Variants in TMEM47 observed in about 807,000 individuals in gnomAD.
The protein encoded by TMEM47 is brain cell membrane protein 1.
A neutral mutation model predicts 12.4 loss-of-function variants in TMEM47; 3 were observed. That is an observed-to-expected ratio of 0.24 (90% confidence interval 0.11 to 0.63). The LOEUF (loss-of-function observed/expected upper bound fraction) is 0.63, where lower values mean the gene tolerates loss of function less well. Among genes scored for constraint, TMEM47 ranks in the 20% least tolerant of loss-of-function variants. The pLI, the probability that TMEM47 is intolerant of heterozygous loss-of-function variation, is 0.86. For synonymous variants in TMEM47, 62 were observed against 63.3 expected, an observed-to-expected ratio of 0.98 and a Z score of 0.10; for missense variants, 89 against 143.8, an observed-to-expected ratio of 0.62 and a Z score of 1.95.
chrX:34,641,305 T>C (rs1360523762), intron 1 of TMEM47, among the ~76,000 whole-genome samples: 1 of 111,669 alleles, frequency 9.0e-6, no homozygotes, highest in Admixed American at 9.6e-5. Flanking sequence ...CATCCATCCA[T>C]CCATCTATGC....
intron 1 of TMEM47, among the ~76,000 whole-genome samples, chrX:34,641,234 TA>T (rs1202640984): frequency 5.4e-5 from 6 of 111,289 alleles, no homozygotes; most frequent in African/African-American, 1.6e-4. Context: ...ATTTCTGAAT[TA>T]AAAAAATCAA....
intron 2 of TMEM47, among the ~76,000 whole-genome samples, chrX:34,638,295 TTATG>T (rs1176326220): frequency 9.0e-6 from 1 of 111,663 alleles, no homozygotes; most frequent in Non-Finnish European, 1.9e-5. Flanking sequence ...ACCTTCATTT[TTATG>T]ACACCCCCAA....
chrX:34,657,090 C>G lies in TMEM47; in HGVS notation c.-61G>C. ...GAGGACGCCAGGCGGGTCCGGAGAG[C>G]CGGGAGCCGGACCTCCCGAAGGGAG... On this transcript the variant is annotated 5_prime_UTR_variant, in exon 1 of 3. Coordinates refer to ENST00000275954, the MANE Select transcript of TMEM47 (RefSeq NM_031442.4). 9.2e-7 allele frequency: 1 copy of G among 1,084,049 alleles called. No homozygotes were observed. Among genetic ancestry groups the G allele is most frequent in the South Asian group, 2.4e-5 (1 of 41,161 alleles). 89.3% of individuals were successfully genotyped at this position (1,084,049 alleles called of 1,213,427 possible).
chrX:34,639,737 T>C (rs1244915766), intron 1 of TMEM47, among the ~76,000 whole-genome samples: 1 of 111,478 alleles, frequency 9.0e-6, no homozygotes, highest in Non-Finnish European at 1.9e-5. Context: ...ATCTTAAGTA[T>C]AGAAAGTAGA....
At chrX:34,642,669 A>G (rs1263802133) in intron 1 of TMEM47, among the ~76,000 whole-genome samples, 1 of 112,280 alleles carries the variant, frequency 8.9e-6, no homozygotes, top group Non-Finnish European at 1.9e-5. Context: ...AATCATCAGC[A>G]TTACCACTGT....
chrX:34,634,151 T>C (rs1459320590), intron 2 of TMEM47, among the ~76,000 whole-genome samples: 1 of 110,990 alleles, frequency 9.0e-6, no homozygotes, highest in African/African-American at 3.3e-5. Flanking sequence ...TGAAACAAAA[T>C]AGGCATTGGA....
chrX:34,633,703 G>A (rs1203705874), intron 2 of TMEM47, among the ~76,000 whole-genome samples: 1 of 111,264 alleles, frequency 9.0e-6, no homozygotes, highest in Non-Finnish European at 1.9e-5. Context: ...GTTTACCTAC[G>A]CTGCTTTTAA....
intron 1 of TMEM47, among the ~76,000 whole-genome samples, chrX:34,652,535 T>C (rs1405400396): frequency 8.9e-6 from 1 of 112,268 alleles, no homozygotes; most frequent in Non-Finnish European, 1.9e-5. Flanking sequence ...ATCAAATCCC[T>C]TAGCTGCCAA....
intron 1 of TMEM47, among the ~76,000 whole-genome samples, chrX:34,645,406 A>C (rs914156948): frequency 2.7e-5 from 3 of 112,190 alleles, no homozygotes; most frequent in Non-Finnish European, 3.8e-5. Flanking sequence ...CTGAGTTTGG[A>C]TAGGAAGCCT....
At chrX:34,634,938 A>T (rs1290740264) in intron 2 of TMEM47, among the ~76,000 whole-genome samples, 2 of 112,035 alleles carry the variant, frequency 1.8e-5, no homozygotes, top group African/African-American at 6.5e-5. Context: ...TTGTTTCTCT[A>T]GGGAGACCAT....
At chrX:34,638,034 T>C (rs777064969) in intron 2 of TMEM47, among the ~76,000 whole-genome samples, 1 of 111,141 alleles carries the variant, frequency 9.0e-6, no homozygotes, top group South Asian at 3.8e-4. Flanking sequence ...AATTGTGCTT[T>C]CTACTCTATT....
Position 34,627,262 on chromosome X carries a change from C to T in TMEM47, c.*3051G>A, listed in dbSNP as rs911804262. ...CATGAATTCATGTTTAAGTAGTAAA[C>T]ATGTCATATATTTAAAAATAATAAA... On this transcript the variant is annotated 3_prime_UTR_variant, in exon 3 of 3. Transcript: ENST00000275954. 4.5e-5 allele frequency: 5 copies of T among 111,457 alleles called. No homozygotes were observed. Among genetic ancestry groups the T allele is most frequent in the Non-Finnish European group, 7.6e-5 (4 of 52,965 alleles). 9.2% of individuals were successfully genotyped at this position (111,457 alleles called of 1,213,427 possible).
At chrX:34,653,545 C>T (rs767237096) in intron 1 of TMEM47, among the ~76,000 whole-genome samples, 1 of 111,513 alleles carries the variant, frequency 9.0e-6, no homozygotes, top group Admixed American at 9.5e-5. Context: ...AATGTAAAGT[C>T]TCCTTAGAGG....
chrX:34,640,115 G>C (rs1209456075), intron 1 of TMEM47, among the ~76,000 whole-genome samples: 4 of 111,632 alleles, frequency 3.6e-5, no homozygotes, highest in Non-Finnish European at 5.6e-5. Context: ...TTAGCATCAG[G>C]AATATTGTTT....
chrX:34,635,689 G>A (rs754637556), intron 2 of TMEM47, among the ~76,000 whole-genome samples: 2 of 111,481 alleles, frequency 1.8e-5, no homozygotes, highest in Non-Finnish European at 3.8e-5. Flanking sequence ...CAAAATAAAG[G>A]AGTCACATAA....
At chrX:34,633,876 T>A (rs1921668658) in intron 2 of TMEM47, among the ~76,000 whole-genome samples, 2 of 111,686 alleles carry the variant, frequency 1.8e-5, no homozygotes, top group South Asian at 3.7e-4. Context: ...TGGAGCTCAA[T>A]AAAAATTACT....
chrX:34,657,033 T>G lies in TMEM47; in HGVS notation c.-4A>C. On this transcript the variant is annotated 5_prime_UTR_variant, in exon 1 of 3. Transcript: ENST00000275954. Reference sequence around the variant, plus strand: ...TGCCGCTGCCCGCCGAAGCCATTCCTGGGCGCCGCTGTCGTCCGCCCCGCC... The same window carrying G: ...TGCCGCTGCCCGCCGAAGCCATTCCGGGGCGCCGCTGTCGTCCGCCCCGCC... The G allele has an allele frequency of 1.8e-6, 2 of 1,138,394 alleles. No individual in the cohort carries two copies. Among genetic ancestry groups the G allele is most frequent in the Non-Finnish European group, 2.3e-6 (2 of 857,076 alleles). The allele number at this position is 1,138,394 out of a possible 1,213,427, so 93.8% of individuals were successfully genotyped here.
At chrX:34,633,079 C>G (rs1029501448) in intron 2 of TMEM47, among the ~76,000 whole-genome samples, 2 of 111,541 alleles carry the variant, frequency 1.8e-5, no homozygotes, top group African/African-American at 6.5e-5. Flanking sequence ...TTTACTCATT[C>G]AATAAATGCA....
At chrX:34,641,256 T>C (rs1215860470) in intron 1 of TMEM47, among the ~76,000 whole-genome samples, 4 of 111,513 alleles carry the variant, frequency 3.6e-5, no homozygotes, top group Non-Finnish European at 7.5e-5. Flanking sequence ...AGTTTAATTA[T>C]ATAAAAGTGT....
Sources: gnomAD v4.1 joint callset for allele counts (sites outside exome capture counted in the v4.1 genomes callset) on GRCh38, gnomAD v4.1.1 for gene constraint, MANE v1.5 for transcripts, NCBI Gene and HGNC (gene_info 2026-07-23, HGNC 2026-07-21) for gene names.